Variants in KDM5A observed in about 807,000 individuals in gnomAD.
KDM5A encodes lysine demethylase 5A.
In KDM5A, 42 loss-of-function variants were observed where a neutral mutation model predicts 193.5. The ratio of observed to expected loss-of-function variants is 0.22; its 90% CI spans 0.17 to 0.28. The LOEUF is 0.28. KDM5A is among the 10% of genes least tolerant of loss of function. KDM5A has a pLI of 1.00. For synonymous variants in KDM5A, 796 were observed against 718.1 expected, an observed-to-expected ratio of 1.11 and a Z score of -1.73; for missense variants, 1,692 against 2,055.1, an observed-to-expected ratio of 0.82 and a Z score of 3.42.
intron 10 of KDM5A, among the ~76,000 whole-genome samples, chr12:344,250 T>C (rs1040106110): frequency 6.6e-6 from 1 of 152,062 alleles, no homozygotes; most frequent in Non-Finnish European, 1.5e-5. Context: ...AAGCCTCCAA[T>C]AAATATGGGA....
chr12:292,139 G>C (rs1234094748), intron 27 of KDM5A, among the ~76,000 whole-genome samples: 1 of 152,144 alleles, frequency 6.6e-6, no homozygotes, highest in Non-Finnish European at 1.5e-5. Flanking sequence ...CCTCACCTCA[G>C]GTGATCCGCC....
At chr12:289,907 C>CTTTCTTTTTTTTTTTTT (rs1943270056) in intron 27 of KDM5A, among the ~76,000 whole-genome samples, 1 of 99,658 alleles carries the variant, frequency 1.0e-5, no homozygotes, top group Admixed American at 1.1e-4. Flanking sequence ...TTCTTTCTTT[C>CTTTCTTTTTTTTTTTTT]TTTTTTTTTT....
chr12:375,391 C>T (rs1477581692), intron 3 of KDM5A, among the ~76,000 whole-genome samples: 1 of 152,144 alleles, frequency 6.6e-6, no homozygotes, highest in East Asian at 1.9e-4. Context: ...GCATTCATCA[C>T]GTAGTTGTTC....
chr12:379,222 CT>C (rs1056725145), intron 3 of KDM5A, among the ~76,000 whole-genome samples: 3 of 151,690 alleles, frequency 2.0e-5, no homozygotes, highest in South Asian at 2.1e-4. Flanking sequence ...CAAAAATAAT[CT>C]TTTTTTTAAA....
chr12:365,131 C>T (rs1172061191), intron 4 of KDM5A, among the ~76,000 whole-genome samples: 1 of 152,136 alleles, frequency 6.6e-6, no homozygotes, highest in African/African-American at 2.4e-5. Flanking sequence ...CAGCTTACTG[C>T]AACCTCCATC....
intron 19 of KDM5A, among the ~76,000 whole-genome samples, chr12:315,783 A>C (rs1943644359): frequency 1.3e-5 from 2 of 152,248 alleles, no homozygotes; most frequent in South Asian, 4.1e-4. Context: ...AATTTAAAGA[A>C]TAAAGAAACA....
At chr12:365,791 A>G in intron 4 of KDM5A, 143 bp downstream of exon 4, 1 of 673,514 alleles carries the variant, frequency 1.5e-6, no homozygotes, top group South Asian at 1.7e-5. Flanking sequence ...AACCATCAAA[A>G]ACAGCTATGA....
chr12:371,615 T>A (rs1222442544), intron 3 of KDM5A, among the ~76,000 whole-genome samples: 1 of 152,202 alleles, frequency 6.6e-6, no homozygotes, highest in Non-Finnish European at 1.5e-5. Context: ...TTTAATTAGA[T>A]CCCATTTGTC....
intron 3 of KDM5A, among the ~76,000 whole-genome samples, chr12:371,889 G>T (rs1173867150): frequency 6.6e-6 from 1 of 152,188 alleles, no homozygotes; most frequent in Non-Finnish European, 1.5e-5. Context: ...TGTCAGGTTT[G>T]TCAAAGATCA....
rs150056981 is a variant in KDM5A, at chr12:307,407, C to T, written c.3930+47G>A. On this transcript the variant is annotated intron_variant, in intron 23 of 27. Transcript: ENST00000399788. This position sits in a 1 kb window ranked among gnomAD's most constrained non-coding sequence, Gnocchi z 4.3. ...ACAGACTCAATTTACTATTTATACACTGACATATCCCATGAAATAGAAAAA... is the reference window on the plus strand; with the variant it reads ...ACAGACTCAATTTACTATTTATACATTGACATATCCCATGAAATAGAAAAA... 173 of 1,560,692 alleles carry T rather than the reference C, an allele frequency of 1.1e-4. No individual in the cohort carries two copies. Among genetic ancestry groups the T allele is most frequent in the Non-Finnish European group, 1.5e-4 (171 of 1,133,286 alleles).
chr12:368,460 C>T (rs955789149), intron 3 of KDM5A, among the ~76,000 whole-genome samples: 12 of 152,200 alleles, frequency 7.9e-5, no homozygotes, highest in East Asian at 7.7e-4. Flanking sequence ...GGCCAGGCGT[C>T]GTGGCTCACA....
At chr12:314,257 G>T (rs933972862) in intron 19 of KDM5A, among the ~76,000 whole-genome samples, 1 of 152,060 alleles carries the variant, frequency 6.6e-6, no homozygotes, top group Admixed American at 6.5e-5. Context: ...GTGCAGTGGC[G>T]CAATCTCAGC....
Position 284,605 on chromosome 12 carries a change from T to C in KDM5A, c.*851A>G, listed in dbSNP as rs118142329. On this transcript the variant is annotated 3_prime_UTR_variant, in exon 28 of 28. Coordinates refer to ENST00000399788, the MANE Select transcript of KDM5A (RefSeq NM_001042603.3). ...CATGCATCACTGTGGCTCAGTAAGA[T>C]AGTACGACTGGTCATCATCGTCATC... is the stretch of plus-strand genomic sequence containing the variant. 875 of 233,246 alleles carry C rather than the reference T, an allele frequency of 3.8e-3. 4 individuals are homozygous for C. The highest frequency in any genetic ancestry group is 6.2e-3 in the Non-Finnish European group (734 of 117,784). 14.4% of individuals were successfully genotyped at this position (233,246 alleles called of 1,614,324 possible). A position where few individuals can be genotyped will look rare whatever the true frequency, so the allele number is the denominator to read the frequency against.
rs1471919823 is a variant in KDM5A at position 282,287 on chromosome 12, A to G, written c.*3169T>C. ...CCTGACCACAGGTGCACTCTACTGC[A>G]CCTGGCTGCCATGTTTTTTATTATT... On this transcript the variant is annotated 3_prime_UTR_variant, in exon 28 of 28. Transcript: ENST00000399788. The G allele has an allele frequency of 4.3e-6, 1 of 233,670 alleles. No individual in the cohort carries two copies. The highest frequency in any genetic ancestry group is 5.6e-5 in the Admixed American group (1 of 17,798). The allele number at this position is 233,670 out of a possible 1,614,324, so 14.5% of individuals were successfully genotyped here.
chr12:337,041 G>A (rs568820562), intron 10 of KDM5A, among the ~76,000 whole-genome samples: 9 of 152,134 alleles, frequency 5.9e-5, no homozygotes, highest in East Asian at 3.8e-4. Flanking sequence ...GAAGGTGACC[G>A]GATCATGTGG....
chr12:306,945 C>T lies in KDM5A; in HGVS notation c.4074+1G>A, dbSNP rs781530646. 1.5e-5 allele frequency: 25 copies of T among 1,613,138 alleles called. No individual in the cohort carries two copies. Among genetic ancestry groups the T allele is most frequent in the Non-Finnish European group, 1.9e-5 (23 of 1,179,752 alleles). ...CCCACACAGCTTGTCCATGTAACTACCTTCATGTCGTAGCCATATGTCTCT... is the reference window on the plus strand; with the variant it reads ...CCCACACAGCTTGTCCATGTAACTATCTTCATGTCGTAGCCATATGTCTCT... On this transcript the variant is annotated splice_donor_variant, in intron 24 of 27. Transcript: ENST00000399788. LOFTEE classifies it high-confidence loss of function.
intron 27 of KDM5A, among the ~76,000 whole-genome samples, chr12:285,944 A>T (rs1943214973): frequency 6.6e-6 from 1 of 152,196 alleles, no homozygotes; most frequent in Non-Finnish European, 1.5e-5. Flanking sequence ...TTTGAGAAAA[A>T]TTTGACAAAA....
At chr12:364,342 T>C (rs1944325851) in intron 4 of KDM5A, among the ~76,000 whole-genome samples, 1 of 151,914 alleles carries the variant, frequency 6.6e-6, no homozygotes, top group Non-Finnish European at 1.5e-5. Context: ...GGTGGTGGCA[T>C]GCACCTGTAG....
At chr12:290,169 T>C (rs1455924682) in intron 27 of KDM5A, among the ~76,000 whole-genome samples, 3 of 152,190 alleles carry the variant, frequency 2.0e-5, no homozygotes, top group African/African-American at 7.2e-5. Context: ...TGTATATTAA[T>C]TGTTTTCTCA....
Sources: allele counts gnomAD v4.1 joint callset (sites outside exome capture counted in the v4.1 genomes callset), GRCh38; gene constraint gnomAD v4.1.1; non-coding constraint Gnocchi (gnomAD v3.1); transcripts MANE v1.5; gene names NCBI Gene and HGNC (gene_info 2026-07-23, HGNC 2026-07-21).